SIPA1L3: variants seen among roughly 807,000 people sequenced by gnomAD.
SIPA1L3 encodes the protein signal induced proliferation associated 1 like 3, also known as signal-induced proliferation-associated 1-like protein 3.
In SIPA1L3, 59 loss-of-function variants were observed where a neutral mutation model predicts 150.1. The observed-to-expected ratio is 0.39, with a 90% CI of 0.32 to 0.49. SIPA1L3 has a LOEUF of 0.49. Among genes scored for constraint, SIPA1L3 ranks in the 20% least tolerant of loss-of-function variants. The pLI is 0.86. For missense variants in SIPA1L3, 2,211 were observed against 2,489.5 expected, an observed-to-expected ratio of 0.89 and a Z score of 2.38; for synonymous variants, 1,070 against 1,077.6, an observed-to-expected ratio of 0.99 and a Z score of 0.14.
At chr19:38,160,942 G>A (rs1293265684) in intron 13 of SIPA1L3, among the ~76,000 whole-genome samples, 1 of 152,236 alleles carries the variant, frequency 6.6e-6, no homozygotes, top group East Asian at 1.9e-4. Context: ...ATTCAATTAT[G>A]TGAAGACCTA....
intron 10 of SIPA1L3, among the ~76,000 whole-genome samples, chr19:38,133,451 A>G (rs1265478152): frequency 4.6e-5 from 7 of 152,210 alleles, no homozygotes; most frequent in Non-Finnish European, 8.8e-5. Flanking sequence ...CAAGATAAAT[A>G]CAGTTTTCAG....
At chr19:38,080,943 C>G (rs1305073057) in intron 2 of SIPA1L3, among the ~76,000 whole-genome samples, 1 of 150,122 alleles carries the variant, frequency 6.7e-6, no homozygotes, top group Non-Finnish European at 1.5e-5. Flanking sequence ...GCACTCCAGC[C>G]TGGGTGACAG....
chr19:38,061,570 G>A (rs1002513966), intron 2 of SIPA1L3, among the ~76,000 whole-genome samples: 9 of 152,048 alleles, frequency 5.9e-5, no homozygotes, highest in Non-Finnish European at 1.3e-4. Flanking sequence ...CCATCTGTGT[G>A]CACACGTGTG....
chr19:38,027,647 C>A (rs1051486058), intron 1 of SIPA1L3, among the ~76,000 whole-genome samples: 1 of 151,530 alleles, frequency 6.6e-6, no homozygotes, highest in African/African-American at 2.4e-5. Context: ...GACTCTGGGA[C>A]CAGGTTGCTG....
At chr19:38,124,319 A>G in intron 9 of SIPA1L3, among the ~76,000 whole-genome samples, 1 of 146,902 alleles carries the variant, frequency 6.8e-6, no homozygotes, top group Non-Finnish European at 1.5e-5. Flanking sequence ...CTCACCTCCC[A>G]GACGGGGTCG....
Position 38,201,847 on chromosome 19 carries a change from C to T in SIPA1L3, c.4985-15C>T, listed in dbSNP as rs767274047. ...AGCCTTGCTGACCCCTCTCCTCCTC[C>T]TCCCTCCCTGGCAGTGCAAAGAGCC... On this transcript the variant is annotated splice_polypyrimidine_tract_variant and intron_variant, in intron 19 of 21. Coordinates refer to ENST00000222345, the MANE Select transcript of SIPA1L3 (RefSeq NM_015073.3). 1 of 1,595,390 alleles carries T rather than the reference C, an allele frequency of 6.3e-7. No individual in the cohort carries two copies. Among genetic ancestry groups the T allele is most frequent in the South Asian group, 1.1e-5 (1 of 87,952 alleles).
At chr19:38,094,521 G>A (rs1261774890) in intron 4 of SIPA1L3, among the ~76,000 whole-genome samples, 1 of 152,132 alleles carries the variant, frequency 6.6e-6, no homozygotes, top group African/African-American at 2.4e-5. Flanking sequence ...AAAATGCCGA[G>A]ATTACAGGCA....
chr19:37,967,450 C>T (rs1202293287), intron 1 of SIPA1L3, among the ~76,000 whole-genome samples: 6 of 152,088 alleles, frequency 3.9e-5, no homozygotes, highest in Non-Finnish European at 7.4e-5. Context: ...GACGGAGTTT[C>T]ACCATGTTGG....
chr19:38,117,668 G>A (rs1311991604), intron 8 of SIPA1L3, among the ~76,000 whole-genome samples: 5 of 151,982 alleles, frequency 3.3e-5, no homozygotes, highest in African/African-American at 1.2e-4. Context: ...GCTGCGGGGT[G>A]GGGAAGGGAG....
chr19:38,029,356 A>T (rs1164738404), intron 2 of SIPA1L3, among the ~76,000 whole-genome samples, 200 bp downstream of exon 2: 1 of 152,128 alleles, frequency 6.6e-6, no homozygotes. Context: ...ACCTTTTCCC[A>T]TACACAAACA....
chr19:38,076,038 G>A (rs916673736), intron 2 of SIPA1L3, among the ~76,000 whole-genome samples: 2 of 151,668 alleles, frequency 1.3e-5, no homozygotes, highest in African/African-American at 2.4e-5. Flanking sequence ...CCACTCCAGA[G>A]GCTGAGGCAG....
intron 8 of SIPA1L3, among the ~76,000 whole-genome samples, chr19:38,113,893 A>G (rs1448268998): frequency 2.0e-5 from 3 of 152,000 alleles, no homozygotes; most frequent in Non-Finnish European, 2.9e-5. Flanking sequence ...TTGTTTCGTG[A>G]GTTTTCATCC....
At chr19:37,932,032 C>T (rs1051891196) in intron 1 of SIPA1L3, among the ~76,000 whole-genome samples, 4 of 152,222 alleles carry the variant, frequency 2.6e-5, no homozygotes, top group African/African-American at 7.2e-5. Flanking sequence ...CAGCCAAAGC[C>T]GTTCAGTTGT....
chr19:38,018,418 C>T (rs1276432243), intron 1 of SIPA1L3, among the ~76,000 whole-genome samples: 102 of 152,116 alleles, frequency 6.7e-4, no homozygotes, highest in Non-Finnish European at 5.9e-5. Flanking sequence ...CCCGCCTCGG[C>T]TAGGATTACA....
At chr19:38,140,915 G>A (rs532370392) in intron 10 of SIPA1L3, among the ~76,000 whole-genome samples, 62 of 152,010 alleles carry the variant, frequency 4.1e-4, no homozygotes, top group Non-Finnish European at 7.9e-4. Flanking sequence ...AAACTTAGCC[G>A]GGCGTAGTGG....
At chr19:38,048,641 C>T (rs1180573128) in intron 2 of SIPA1L3, among the ~76,000 whole-genome samples, 1 of 152,188 alleles carries the variant, frequency 6.6e-6, no homozygotes, top group Non-Finnish European at 1.5e-5. Context: ...CAAGCTCAGT[C>T]CCTGACCAAG....
Position 38,157,035 on chromosome 19 carries a change from G to A in SIPA1L3, c.3661+4068G>A, listed in dbSNP as rs147171229. On this transcript the variant is annotated intron_variant, in intron 13 of 21. Transcript: ENST00000222345. Reference sequence around the variant, plus strand: ...AAAATATAGCTAGGTGTGGCAGTGCGCACCTATGGTCCCAGCTGCTCAAGA... The same window carrying A: ...AAAATATAGCTAGGTGTGGCAGTGCACACCTATGGTCCCAGCTGCTCAAGA... Among the ~76,000 whole-genome samples, 860 of 152,076 alleles carry A rather than the reference G, an allele frequency of 5.7e-3. 7 individuals carry two copies. Among genetic ancestry groups the A allele is most frequent in the South Asian group, 0.026 (125 of 4,808 alleles).
intron 2 of SIPA1L3, among the ~76,000 whole-genome samples, chr19:38,054,454 A>G (rs767048845): frequency 6.6e-6 from 1 of 152,216 alleles, no homozygotes. Context: ...TAAAAATACA[A>G]AAATTAGCGG....
At chr19:38,094,204 G>A (rs575278090) in intron 4 of SIPA1L3, among the ~76,000 whole-genome samples, 2 of 152,206 alleles carry the variant, frequency 1.3e-5, no homozygotes, top group East Asian at 3.9e-4. Context: ...GTGTGACCCC[G>A]TTTTTGTTCA....
Sources: allele counts gnomAD v4.1 joint callset (sites outside exome capture counted in the v4.1 genomes callset), GRCh38; gene constraint gnomAD v4.1.1; transcripts MANE v1.5; gene names NCBI Gene and HGNC (gene_info 2026-07-23, HGNC 2026-07-21).